Variants in QKI observed in about 807,000 individuals in gnomAD.
QKI encodes QKI, KH domain containing RNA binding, also known as KH domain-containing RNA-binding protein QKI.
QKI carries 10 observed loss-of-function variants against 39.0 expected under a neutral mutation model. The observed-to-expected ratio is 0.26, with a 90% confidence interval of 0.16 to 0.43. The LOEUF is 0.43. Ranked by LOEUF, QKI falls within the 20% of genes least tolerant of loss-of-function variation. The pLI is 1.00. For synonymous variants in QKI, 204 were observed against 155.4 expected, an observed-to-expected ratio of 1.31 and a Z score of -2.33; for missense variants, 218 against 428.0, an observed-to-expected ratio of 0.51 and a Z score of 4.33.
intron 4 of QKI, among the ~76,000 whole-genome samples, chr6:163,541,962 CTATG>C (rs950895734): frequency 6.6e-6 from 1 of 151,856 alleles, no homozygotes; most frequent in Non-Finnish European, 1.5e-5. Flanking sequence ...ATGTGTTTAA[CTATG>C]TATGGGCTGG....
At chr6:163,467,155 A>T (rs1791827827) in intron 2 of QKI, among the ~76,000 whole-genome samples, 1 of 150,018 alleles carries the variant, frequency 6.7e-6, no homozygotes, top group Admixed American at 6.6e-5. Context: ...GCTTAACATC[A>T]CACACACACA....
rs371267070 is a variant in QKI at position 163,507,742 on chromosome 6, AAACCAG to A, written c.403-27231_403-27226del. Among the ~76,000 whole-genome samples the A allele has an allele frequency of 5.6e-3, 853 of 152,316 alleles. 8 individuals are homozygous for A. The highest frequency in any genetic ancestry group is 0.019 in the African/African-American group (792 of 41,562). On this transcript the variant is annotated intron_variant, in intron 3 of 7. Transcript: ENST00000361752. ...CCTACTACAAAACAAAACGAAAACA[AAACCAG>A]AACCAGAAACAAAAGAAAAAAATTC... is the stretch of plus-strand genomic sequence containing the variant.
At chr6:163,501,992 T>C (rs73244794) in intron 3 of QKI, among the ~76,000 whole-genome samples, 27 of 152,336 alleles carry the variant, frequency 1.8e-4, no homozygotes, top group African/African-American at 6.5e-4. Context: ...CTAAATATTT[T>C]ATTTTTTGCT....
At chr6:163,555,303 A>G (rs1015355230) in intron 4 of QKI, among the ~76,000 whole-genome samples, 4 of 152,166 alleles carry the variant, frequency 2.6e-5, no homozygotes, top group African/African-American at 9.7e-5. Context: ...ATCAAAAAAT[A>G]GAAAAACTGA....
chr6:163,552,419 C>A (rs1260504082), intron 4 of QKI, among the ~76,000 whole-genome samples: 1 of 152,008 alleles, frequency 6.6e-6, no homozygotes, highest in Non-Finnish European at 1.5e-5. Flanking sequence ...ACCGTGTTAG[C>A]CAGGATGGTC....
intron 1 of QKI, among the ~76,000 whole-genome samples, chr6:163,424,268 A>C (rs1788230909): frequency 1.3e-5 from 2 of 152,212 alleles, no homozygotes; most frequent in African/African-American, 4.8e-5. Flanking sequence ...ATTGTCGCTG[A>C]TTCCACCGTG....
intron 3 of QKI, among the ~76,000 whole-genome samples, chr6:163,496,139 T>C (rs1291918770): frequency 6.6e-6 from 1 of 152,202 alleles, no homozygotes; most frequent in African/African-American, 2.4e-5. Context: ...ACATGTATTC[T>C]TGCATATCCC....
intron 3 of QKI, among the ~76,000 whole-genome samples, chr6:163,491,345 T>TA (rs1422630258): frequency 1.3e-5 from 2 of 152,192 alleles, no homozygotes; most frequent in Non-Finnish European, 2.9e-5. Flanking sequence ...TTTCTGTACT[T>TA]GTAGGCTGCA....
intron 1 of QKI, among the ~76,000 whole-genome samples, chr6:163,437,872 A>G (rs1789438881): frequency 1.4e-5 from 2 of 146,530 alleles, no homozygotes; most frequent in Non-Finnish European, 3.1e-5. Context: ...AACTCCGGAA[A>G]AGTGGTTAAG....
At chr6:163,569,612 A>T in intron 7 of QKI, 1 of 1,011,882 alleles carries the variant, frequency 9.9e-7, no homozygotes, top group Non-Finnish European at 1.2e-6. Flanking sequence ...GGGAATGATA[A>T]CTTTTCCACT....
intron 3 of QKI, among the ~76,000 whole-genome samples, chr6:163,522,024 G>T (rs904549326): frequency 6.6e-6 from 1 of 152,184 alleles, no homozygotes; most frequent in Non-Finnish European, 1.5e-5. Context: ...ATACAGGAAA[G>T]AACAGAGATA....
At chr6:163,542,964 G>A (rs932055460) in intron 4 of QKI, among the ~76,000 whole-genome samples, 5 of 65,192 alleles carry the variant, frequency 7.7e-5, no homozygotes, top group African/African-American at 2.5e-4. Context: ...TAGAAATTTA[G>A]GATAATAGGC....
chr6:163,488,489 C>A (rs763010372), intron 3 of QKI, among the ~76,000 whole-genome samples: 5 of 152,222 alleles, frequency 3.3e-5, no homozygotes, highest in Non-Finnish European at 4.4e-5. Context: ...TTTATTTAAT[C>A]TTCTATCTGT....
intron 5 of QKI, among the ~76,000 whole-genome samples, chr6:163,563,027 C>T (rs538448814): frequency 2.0e-4 from 31 of 152,278 alleles, no homozygotes; most frequent in African/African-American, 7.5e-4. Context: ...TAGAAATATA[C>T]CAAAACTGAG....
chr6:163,459,898 G>A lies in QKI; in HGVS notation c.285+4477G>A, dbSNP rs565979251. On this transcript the variant is annotated intron_variant, in intron 2 of 7. Transcript: ENST00000361752. ...GACCATCAAATTGTTTATTTGGCTG[G>A]TCAGGTTTTCTTGTTTGAATCCATG... is the stretch of plus-strand genomic sequence containing the variant. 2.6e-5 allele frequency among the ~76,000 whole-genome samples: 4 copies of A among 152,310 alleles called. No individual in the cohort carries two copies. The South Asian group carries it at 8.3e-4, about 32-fold the overall frequency.
intron 3 of QKI, among the ~76,000 whole-genome samples, chr6:163,509,060 A>T (rs928784369): frequency 4.6e-5 from 7 of 152,022 alleles, no homozygotes; most frequent in Admixed American, 2.6e-4. Context: ...AATCACTTGA[A>T]TCCGGGAGGC....
chr6:163,535,349 G>A (rs186561489), intron 4 of QKI, among the ~76,000 whole-genome samples: 21 of 152,160 alleles, frequency 1.4e-4, no homozygotes, highest in Admixed American at 6.5e-4. Flanking sequence ...GGGTGACGTC[G>A]CGTAAGAAAT....
chr6:163,467,502 A>C (rs992299221), intron 2 of QKI, among the ~76,000 whole-genome samples: 1 of 152,182 alleles, frequency 6.6e-6, no homozygotes, highest in African/African-American at 2.4e-5. Context: ...GCAGCTTTAA[A>C]TTTTTGTTTT....
chr6:163,422,591 A>G (rs1469921910), intron 1 of QKI, among the ~76,000 whole-genome samples: 1 of 152,176 alleles, frequency 6.6e-6, no homozygotes, highest in Admixed American at 6.5e-5. Context: ...CCTGTCTTAA[A>G]AAATAAAACA....
Sources: gnomAD v4.1 joint callset for allele counts (sites outside exome capture counted in the v4.1 genomes callset) on GRCh38, gnomAD v4.1.1 for gene constraint, MANE v1.5 for transcripts, NCBI Gene and HGNC (gene_info 2026-07-23, HGNC 2026-07-21) for gene names.